Variants in CLEC12A observed in about 807,000 individuals in gnomAD.
CLEC12A encodes the protein C-type lectin protein CLL-1.
In CLEC12A, 22 loss-of-function variants were observed where a neutral mutation model predicts 26.5. The ratio of observed to expected loss-of-function variants is 0.83; its 90% CI spans 0.59 to 1.19. The LOEUF (loss-of-function observed/expected upper bound fraction) is 1.19, where lower values mean the gene tolerates loss of function less well. CLEC12A is among the 50% of genes most tolerant of loss of function. The pLI, the probability that CLEC12A is intolerant of heterozygous loss-of-function variation, is 0.00. For synonymous variants in CLEC12A, 119 were observed against 101.9 expected, an observed-to-expected ratio of 1.17 and a Z score of -1.01; for missense variants, 353 against 315.6, an observed-to-expected ratio of 1.12 and a Z score of -0.90.
chr12:9,961,294 C>G (rs1488264791), intron 1 of CLEC12A, among the ~76,000 whole-genome samples: 1 of 152,270 alleles, frequency 6.6e-6, no homozygotes, highest in East Asian at 1.9e-4. Flanking sequence ...TGGCCTGAAC[C>G]CATCTCTCAG....
chr12:9,984,100 GAT>G (rs565976446), intron 5 of CLEC12A: 110 of 272,358 alleles, frequency 4.0e-4, no homozygotes, highest in African/African-American at 6.8e-4. Flanking sequence ...TTGTATGTAT[GAT>G]ATATATATGT....
intron 3 of CLEC12A, 133 bp from the exon 4 acceptor site, chr12:9,980,449 G>T: frequency 1.1e-6 from 1 of 882,418 alleles, no homozygotes; most frequent in Non-Finnish European, 1.6e-6. Flanking sequence ...AAAAAAAAAA[G>T]GGGGAAAGAG....
In CLEC12A at chr12:9,985,367, C is replaced by G; in HGVS notation, c.*341C>G. On this transcript the variant is annotated 3_prime_UTR_variant, in exon 6 of 6. Transcript: ENST00000304361. ...GATTTGCCAGAGGCAACATCAAAAA[C>G]CAGCAAATTTTAATTTTGTCCCACA... The G allele has an allele frequency of 2.5e-6, 1 of 399,704 alleles. No individual in the cohort carries two copies. The highest frequency in any genetic ancestry group is 4.4e-6 in the Non-Finnish European group (1 of 227,270). 24.8% of individuals were successfully genotyped at this position (399,704 alleles called of 1,614,324 possible).
chr12:9,983,601 G>C lies in CLEC12A; in HGVS notation c.642-1269G>C, dbSNP rs899370368. ...CTATTGGAAGTCCATCATTTAACAC[G>C]TTTTTAGTATATACTTTTAGCAGGA... On this transcript the variant is annotated intron_variant, in intron 5 of 5. Transcript: ENST00000304361. 7.1e-5 allele frequency: 47 copies of C among 657,432 alleles called. No homozygotes were observed. The East Asian group carries it at 1.3e-3, about 18-fold the overall frequency. The allele number at this position is 657,432 out of a possible 1,614,324, so 40.7% of individuals were successfully genotyped here.
intron 1 of CLEC12A, among the ~76,000 whole-genome samples, chr12:9,953,637 C>G (rs1240142041): frequency 6.6e-6 from 1 of 150,932 alleles, no homozygotes; most frequent in African/African-American, 2.4e-5. Flanking sequence ...AGGTGAGGGG[C>G]GCCTCTGCCC....
chr12:9,996,409 T>C (rs949552957), downstream of CLEC12A, among the ~76,000 whole-genome samples: 1 of 152,216 alleles, frequency 6.6e-6, no homozygotes, highest in Non-Finnish European at 1.5e-5. Context: ...TTAATCTCTA[T>C]ATAATAGAGC....
At chr12:9,993,171 C>A (rs1238893072) in intron 4 of CLEC12A, 1 of 1,611,682 alleles carries the variant, frequency 6.2e-7, no homozygotes, top group Admixed American at 1.7e-5. Context: ...CTTGGTCATG[C>A]CAGCCTTCCT....
chr12:9,998,959 C>G, downstream of CLEC12A: 1 of 831,492 alleles, frequency 1.2e-6, no homozygotes, highest in Non-Finnish European at 2.0e-6. Flanking sequence ...TATATATTAT[C>G]AATAGTAGAA....
intron 1 of CLEC12A, 85 bp from the exon 2 acceptor site, chr12:9,978,881 A>AAATG (rs922005937): frequency 1.0e-4 from 101 of 971,446 alleles, no homozygotes; most frequent in East Asian, 2.4e-4. Flanking sequence ...AATAAAGGTA[A>AAATG]AATGAATGAA....
Position 9,984,980 on chromosome 12 carries a change from T to C in CLEC12A, c.752T>C (p.Met251Thr), listed in dbSNP as rs1864714327. ...TYKKRMICEK[M>T]ANPVQLGSTY... The stretch of plus-strand genomic sequence containing the variant: ...AAAAAAAGAATGATATGTGAGAAGA[T>C]GGCCAATCCAGTGCAGCTTGGTTCT... The change falls in exon 6 of 6, where the codon ATG becomes ACG. Residue 251 changes from methionine (M) to threonine (T), a missense_variant. Met to Thr is a moderately conservative substitution (Grantham distance 81). Transcript: ENST00000304361. The C allele has an allele frequency of 1.3e-6, 2 of 1,552,742 alleles. No homozygotes were observed. Among genetic ancestry groups the C allele is most frequent in the African/African-American group, 2.7e-5 (2 of 73,108 alleles).
downstream of CLEC12A, among the ~76,000 whole-genome samples, chr12:9,990,212 AAG>A (rs1437737994): frequency 6.6e-6 from 1 of 152,194 alleles, no homozygotes. Context: ...TTTATTCTTT[AAG>A]AAATACACAT....
At chr12:9,957,382 G>A (rs1243150417) in intron 1 of CLEC12A, among the ~76,000 whole-genome samples, 2 of 151,890 alleles carry the variant, frequency 1.3e-5, no homozygotes, top group Non-Finnish European at 2.9e-5. Flanking sequence ...CAGCTACTCA[G>A]GAGGCTGAGG....
downstream of CLEC12A, chr12:9,998,340 CA>C: frequency 6.2e-7 from 1 of 1,614,036 alleles, no homozygotes; most frequent in Middle Eastern, 1.6e-4. Context: ...TCAGCAGAAT[CA>C]AAGCCATCAC....
Position 9,971,734 on chromosome 12 carries a change from T to G in CLEC12A, c.91+47T>G. 5 of 1,540,308 alleles carry G rather than the reference T, an allele frequency of 3.2e-6. No individual in the cohort carries two copies. The South Asian group carries it at 6.0e-5, about 18-fold the overall frequency. On this transcript the variant is annotated intron_variant, in intron 1 of 5. Coordinates refer to ENST00000304361, the MANE Select transcript of CLEC12A (RefSeq NM_138337.6). Reference sequence around the variant, plus strand: ...GTGTTGTAAGTTTGTATAATAGAAGTGGTTATAGACTTGCATCTTCAATAT... The same window carrying G: ...GTGTTGTAAGTTTGTATAATAGAAGGGGTTATAGACTTGCATCTTCAATAT...
At chr12:9,974,072 GC>G (rs1386514143) in intron 1 of CLEC12A, among the ~76,000 whole-genome samples, 2 of 151,964 alleles carry the variant, frequency 1.3e-5, no homozygotes, top group Non-Finnish European at 2.9e-5. Flanking sequence ...TTAGGCTTCT[GC>G]CCCCTTGGTG....
chr12:9,984,054 A>G (rs1318904993), intron 5 of CLEC12A: 2 of 299,874 alleles, frequency 6.7e-6, no homozygotes, highest in East Asian at 1.0e-4. Flanking sequence ...AGATATTTTC[A>G]GTTATCAAAA....
At chr12:9,998,356 C>T (rs1381419657), downstream of CLEC12A, 1 of 1,613,992 alleles carries the variant, frequency 6.2e-7, no homozygotes, top group Admixed American at 1.7e-5. Context: ...CATCACACGC[C>T]ACCAGGAGGA....
intron 1 of CLEC12A, among the ~76,000 whole-genome samples, chr12:9,960,048 C>G (rs1396741200): frequency 6.6e-6 from 1 of 152,200 alleles, no homozygotes; most frequent in Non-Finnish European, 1.5e-5. Context: ...TCCCATCAGG[C>G]TGAAGACTAG....
At chr12:9,971,383 C>G (rs1311503603), upstream of CLEC12A, 1 of 1,180,046 alleles carries the variant, frequency 8.5e-7, no homozygotes, top group East Asian at 3.9e-5. Context: ...GTTCAATGTT[C>G]TTAACTGAAG....
Sources: allele counts gnomAD v4.1 joint callset (sites outside exome capture counted in the v4.1 genomes callset), GRCh38; gene constraint gnomAD v4.1.1; transcripts MANE v1.5; gene names NCBI Gene and HGNC (gene_info 2026-07-23, HGNC 2026-07-21).